Variants in METTL25 observed in about 807,000 individuals in gnomAD.
METTL25 encodes probable methyltransferase-like protein 25.
In METTL25, 64 loss-of-function variants were observed where a neutral mutation model predicts 71.6. The observed-to-expected ratio is 0.89, with a 90% CI of 0.73 to 1.10. The LOEUF is 1.10. Among genes scored for constraint, METTL25 ranks in the 50% least tolerant of loss-of-function variants. METTL25 has a pLI of 0.00. For missense variants in METTL25, 807 were observed against 707.0 expected, an observed-to-expected ratio of 1.14 and a Z score of -1.60; for synonymous variants, 287 against 250.3, an observed-to-expected ratio of 1.15 and a Z score of -1.38.
intron 8 of METTL25, among the ~76,000 whole-genome samples, chr12:82,454,819 G>A (rs574493883): frequency 1.3e-5 from 2 of 151,900 alleles, no homozygotes. Flanking sequence ...TCTTTTAACA[G>A]TATAATAAAA....
intron 6 of METTL25, among the ~76,000 whole-genome samples, chr12:82,433,650 A>G (rs923083065): frequency 7.3e-5 from 11 of 151,544 alleles, no homozygotes; most frequent in African/African-American, 2.7e-4. Flanking sequence ...AATTTGAGGA[A>G]AGTTAACTTA....
At chr12:82,403,256 C>T (rs1592661933) in intron 5 of METTL25, 126 bp downstream of exon 5, 1 of 854,000 alleles carries the variant, frequency 1.2e-6, no homozygotes, top group East Asian at 2.7e-5. Flanking sequence ...AAGATAACAT[C>T]TGACTTACTT....
chr12:82,405,086 C>T (rs1253842047), intron 5 of METTL25, among the ~76,000 whole-genome samples: 1 of 152,198 alleles, frequency 6.6e-6, no homozygotes, highest in Non-Finnish European at 1.5e-5. Flanking sequence ...TCCCTCTCCT[C>T]TTCACGCAGT....
At chr12:82,436,995 A>T (rs754499123) in intron 7 of METTL25, among the ~76,000 whole-genome samples, 1 of 151,624 alleles carries the variant, frequency 6.6e-6, no homozygotes, top group Admixed American at 6.6e-5. Context: ...CAGCATTTTT[A>T]TGAGATAAAT....
chr12:82,399,950 A>AG (rs1886439234), intron 4 of METTL25, among the ~76,000 whole-genome samples: 1 of 129,474 alleles, frequency 7.7e-6, no homozygotes, highest in Admixed American at 7.5e-5. Flanking sequence ...CATTGTCTCA[A>AG]AAAAAAAAAA....
chr12:82,378,851 G>T (rs1236227589), intron 1 of METTL25, among the ~76,000 whole-genome samples: 1 of 152,058 alleles, frequency 6.6e-6, no homozygotes, highest in Non-Finnish European at 1.5e-5. Context: ...AACATAGTGA[G>T]ACCCTGTCTC....
At chr12:82,408,085 G>T (rs73350565) in intron 5 of METTL25, 4,575 of 302,222 alleles carry the variant, frequency 0.015, 232 homozygotes, top group African/African-American at 0.097. Context: ...TCTAGGCATA[G>T]GACTTGAATA....
At chr12:82,384,496 C>A (rs571260620) in intron 1 of METTL25, among the ~76,000 whole-genome samples, 1 of 143,202 alleles carries the variant, frequency 7.0e-6, no homozygotes, top group Non-Finnish European at 1.5e-5. Flanking sequence ...TAAAGTACAG[C>A]AGCTATATTT....
At chr12:82,472,870 A>T (rs1440591623) in intron 9 of METTL25, among the ~76,000 whole-genome samples, 1 of 152,066 alleles carries the variant, frequency 6.6e-6, no homozygotes, top group Admixed American at 6.6e-5. Context: ...CGGAGGTATC[A>T]TGTTTCCTTG....
At chr12:82,477,604 A>G (rs192010965) in intron 11 of METTL25, among the ~76,000 whole-genome samples, 18 of 151,936 alleles carry the variant, frequency 1.2e-4, no homozygotes. Flanking sequence ...ATACATAGGC[A>G]GTGAACATAA....
At chr12:82,359,019 T>A in intron 1 of METTL25, 195 bp downstream of exon 1, 1 of 631,532 alleles carries the variant, frequency 1.6e-6, no homozygotes, top group African/African-American at 1.8e-5. Context: ...GATCACTCTT[T>A]CTTTGGGTGC....
chr12:82,434,680 T>C lies in METTL25; in HGVS notation c.1375-15T>C. ...TCAATATATCAACAATCTGTCTTGT[T>C]TTTTTCCCTTTAAGGCATTGGAGCG... On this transcript the variant is annotated splice_polypyrimidine_tract_variant and intron_variant, in intron 6 of 11. Transcript: ENST00000248306. The C allele has an allele frequency of 1.2e-6, 2 of 1,608,482 alleles. No individual in the cohort carries two copies. The highest frequency in any genetic ancestry group is 1.7e-6 in the Non-Finnish European group (2 of 1,176,114).
At chr12:82,399,516 AATC>A (rs1886396791) in intron 4 of METTL25, 122 bp downstream of exon 4, 1 of 788,662 alleles carries the variant, frequency 1.3e-6, no homozygotes, top group Non-Finnish European at 2.0e-6. Flanking sequence ...AAGAAAATGA[AATC>A]ATAAGTAGGC....
chr12:82,445,821 C>G (rs886562011), intron 8 of METTL25, among the ~76,000 whole-genome samples: 4 of 152,134 alleles, frequency 2.6e-5, no homozygotes, highest in African/African-American at 9.7e-5. Flanking sequence ...AAAAGAAATT[C>G]CTAACACCTT....
At chr12:82,371,861 G>C (rs1883271548) in intron 1 of METTL25, among the ~76,000 whole-genome samples, 1 of 152,122 alleles carries the variant, frequency 6.6e-6, no homozygotes, top group Non-Finnish European at 1.5e-5. Context: ...AATAATTTAT[G>C]GACTTTTTCC....
At chr12:82,381,827 A>G (rs1419573523) in intron 1 of METTL25, among the ~76,000 whole-genome samples, 1 of 152,252 alleles carries the variant, frequency 6.6e-6, no homozygotes, top group Non-Finnish European at 1.5e-5. Context: ...AACATGTTCA[A>G]TTCAACTCAA....
intron 9 of METTL25, among the ~76,000 whole-genome samples, chr12:82,458,578 C>T (rs1043894982): frequency 1.3e-5 from 2 of 152,030 alleles, no homozygotes; most frequent in East Asian, 1.9e-4. Context: ...ACCACCCACA[C>T]CTTTGTGAGT....
rs769098875 is a variant in METTL25 at position 82,477,288 on chromosome 12, T to G, written c.1655T>G (p.Val552Gly). 1 of 1,541,950 alleles carries G rather than the reference T, an allele frequency of 6.5e-7. No homozygotes were observed. The highest frequency in any genetic ancestry group is 8.8e-7 in the Non-Finnish European group (1 of 1,141,738). Residue 552 changes from valine to glycine, a missense_variant, in exon 11 of 12, where the codon GTT (valine) becomes GGT (glycine). Val to Gly is a moderately radical substitution (Grantham distance 109). Coordinates refer to ENST00000248306, the MANE Select transcript of METTL25 (RefSeq NM_032230.3). The stretch of plus-strand genomic sequence containing the variant: ...CTAATTTTTTTATTTTAGTTGAAAG[T>G]TGTACTGGCTCCCTGTATAGAGACT... ...NELEAFNMLK[V>G]VLAPCIETLI...
intron 8 of METTL25, among the ~76,000 whole-genome samples, chr12:82,447,874 T>C (rs1890872370): frequency 6.6e-6 from 1 of 152,076 alleles, no homozygotes; most frequent in African/African-American, 2.4e-5. Context: ...GAGCCACATA[T>C]TATACTCCAA....
Sources: allele counts gnomAD v4.1 joint callset (sites outside exome capture counted in the v4.1 genomes callset), GRCh38; gene constraint gnomAD v4.1.1; transcripts MANE v1.5; gene names NCBI Gene and HGNC (gene_info 2026-07-23, HGNC 2026-07-21).